BPIFC: variants seen among roughly 807,000 people sequenced by gnomAD.
The protein encoded by BPIFC is BPI fold-containing family C protein.
A neutral mutation model predicts 57.6 loss-of-function variants in BPIFC; 60 were observed. The ratio of observed to expected loss-of-function variants is 1.04; its 90% confidence interval spans 0.85 to 1.29. The LOEUF (loss-of-function observed/expected upper bound fraction) is 1.29, where lower values mean the gene tolerates loss of function less well. Among genes scored for constraint, BPIFC ranks in the 50% most tolerant of loss-of-function variants. The pLI, the probability that BPIFC is intolerant of heterozygous loss-of-function variation, is 0.00. For synonymous variants in BPIFC, 243 were observed against 224.5 expected (o/e 1.08, Z -0.74); for missense variants, 581 against 600.5 (o/e 0.97, Z 0.34).
At chr22:32,439,257 G>A (rs1034128201) in intron 8 of BPIFC, among the ~76,000 whole-genome samples, 7 of 152,018 alleles carry the variant, frequency 4.6e-5, no homozygotes, top group East Asian at 1.9e-4. Flanking sequence ...CCCAGGAGGC[G>A]CAGGTTGCGG....
intron 3 of BPIFC, among the ~76,000 whole-genome samples, chr22:32,455,465 G>C (rs1229379815): frequency 6.6e-6 from 1 of 152,152 alleles, no homozygotes; most frequent in African/African-American, 2.4e-5. Flanking sequence ...AATTTGTATT[G>C]AGTGCCTGTC....
chr22:32,456,841 C>T (rs934031732), intron 3 of BPIFC, among the ~76,000 whole-genome samples: 9 of 152,112 alleles, frequency 5.9e-5, no homozygotes, highest in African/African-American at 1.9e-4. Context: ...GGAGCCTCTC[C>T]TCAGAAAAAT....
At chr22:32,437,888 C>T (rs968704747) in intron 8 of BPIFC, 37 bp from the exon 9 acceptor site, 6 of 1,225,344 alleles carry the variant, frequency 4.9e-6, no homozygotes, top group Admixed American at 3.5e-5. Context: ...AATCCATATT[C>T]ATTAAAGGCA....
At chr22:32,440,283 C>T (rs908988508) in intron 8 of BPIFC, among the ~76,000 whole-genome samples, 11 of 151,238 alleles carry the variant, frequency 7.3e-5, no homozygotes, top group East Asian at 2.0e-4. Context: ...TAAAGGCGCA[C>T]GCCACCATGC....
rs368014677 is a variant in BPIFC, at chr22:32,432,556, C to A, written c.979-13G>T. On this transcript the variant is annotated splice_polypyrimidine_tract_variant and intron_variant, in intron 11 of 16. Coordinates refer to ENST00000300399, the MANE Select transcript of BPIFC (RefSeq NM_174932.3). ...AGATCTCTGCAATCTGCCCACATTCCGAGAAAGAAATAAAGATTGTGAGGC... is the reference window on the plus strand; with the variant it reads ...AGATCTCTGCAATCTGCCCACATTCAGAGAAAGAAATAAAGATTGTGAGGC... 6.2e-7 allele frequency: 1 copy of A among 1,609,336 alleles called. No homozygotes were observed. The highest frequency in any genetic ancestry group is 1.1e-5 in the South Asian group (1 of 90,764).
At chr22:32,424,698 CTTCT>C (rs1933986024) in intron 13 of BPIFC, among the ~76,000 whole-genome samples, 2 of 102,750 alleles carry the variant, frequency 1.9e-5, no homozygotes, top group African/African-American at 5.2e-5. Flanking sequence ...TCTTCCTCTT[CTTCT>C]TCCTCTTCTT....
intron 1 of BPIFC, among the ~76,000 whole-genome samples, chr22:32,463,728 T>C (rs973546860): frequency 6.6e-6 from 1 of 152,138 alleles, no homozygotes; most frequent in Non-Finnish European, 1.5e-5. Context: ...ACATAAGAAG[T>C]CTAAATCGAC....
chr22:32,458,553 T>C (rs1935094883), intron 2 of BPIFC, among the ~76,000 whole-genome samples: 1 of 152,182 alleles, frequency 6.6e-6, no homozygotes, highest in South Asian at 2.1e-4. Context: ...TTAGGCTTCA[T>C]GGGGAAGGAC....
At position 32,418,481 on chromosome 22, in the gene BPIFC, T is replaced by A. The variant is rs1933747720; in HGVS notation, c.1260+881A>T. On this transcript the variant is annotated intron_variant, in intron 14 of 16. Coordinates refer to ENST00000300399, the MANE Select transcript of BPIFC (RefSeq NM_174932.3). ...GCATCCCTGGCCTCTACCCACCAAGTGTCATTAGTATGTCTCCTTCCATCT... is the reference window on the plus strand; with the variant it reads ...GCATCCCTGGCCTCTACCCACCAAGAGTCATTAGTATGTCTCCTTCCATCT... Among the ~76,000 whole-genome samples the A allele has an allele frequency of 2.0e-5, 3 of 152,264 alleles. No homozygotes were observed. The South Asian group carries it at 6.2e-4, about 32-fold the overall frequency.
chr22:32,452,209 C>T (rs1352819207), intron 4 of BPIFC, among the ~76,000 whole-genome samples: 2 of 152,118 alleles, frequency 1.3e-5, no homozygotes, highest in Non-Finnish European at 2.9e-5. Context: ...GCCTAATATC[C>T]CCTGTTCCTA....
intron 1 of BPIFC, among the ~76,000 whole-genome samples, chr22:32,462,861 A>G (rs1202880710): frequency 6.6e-6 from 1 of 152,178 alleles, no homozygotes; most frequent in African/African-American, 2.4e-5. Context: ...TTTTTTTATT[A>G]CACTTTAAGT....
chr22:32,453,395 T>C lies in BPIFC; in HGVS notation c.233A>G (p.Tyr78Cys), dbSNP rs775105312. The change falls in exon 4 of 17, where the codon TAC (tyrosine) becomes TGC (cysteine). Residue 78 changes from tyrosine (Y) to cysteine (C), a missense_variant. Physicochemically the swap from Tyr to Cys is radical, Grantham distance 194. Transcript: ENST00000300399. ...LEFLKVDYVNYNFSNIKISAF... is the reference protein window; with the variant it reads ...LEFLKVDYVNCNFSNIKISAF... ...TCTTTTTACTTACTTTGAAAAATTGTAGTTTACATAATCAACTTTTAGAAA... is the reference window on the plus strand; with the variant it reads ...TCTTTTTACTTACTTTGAAAAATTGCAGTTTACATAATCAACTTTTAGAAA... 2.8e-5 allele frequency: 45 copies of C among 1,585,972 alleles called. No homozygotes were observed. In the East Asian group the frequency reaches 9.9e-4, roughly 35 times the overall value.
At chr22:32,433,619 G>A (rs1014520074) in intron 11 of BPIFC, 100 bp downstream of exon 11, 1 of 1,017,542 alleles carries the variant, frequency 9.8e-7, no homozygotes, top group African/African-American at 1.6e-5. Flanking sequence ...AATAGACAGA[G>A]GGACTTATCC....
chr22:32,431,311 C>T, intron 13 of BPIFC, 36 bp downstream of exon 13: 2 of 1,551,878 alleles, frequency 1.3e-6, no homozygotes, highest in Non-Finnish European at 1.8e-6. Context: ...TCACTTATTA[C>T]TAAGGTGCCC....
intron 1 of BPIFC, among the ~76,000 whole-genome samples, chr22:32,464,134 A>T (rs535883518): frequency 6.6e-6 from 1 of 152,142 alleles, no homozygotes; most frequent in Admixed American, 6.5e-5. Context: ...GTTTAAACCA[A>T]CTCTTTTCTC....
At chr22:32,417,867 T>A (rs1933728763) in intron 14 of BPIFC, among the ~76,000 whole-genome samples, 1 of 152,124 alleles carries the variant, frequency 6.6e-6, no homozygotes, top group Middle Eastern at 3.2e-3. Flanking sequence ...TCTTTTTTTT[T>A]TATTTAAAAA....
At chr22:32,417,326 C>T (rs1484193268) in intron 14 of BPIFC, among the ~76,000 whole-genome samples, 178 bp from the exon 15 acceptor site, 1 of 151,680 alleles carries the variant, frequency 6.6e-6, no homozygotes, top group Non-Finnish European at 1.5e-5. Context: ...CAAGTGTGCA[C>T]CACTACACCT....
intron 1 of BPIFC, among the ~76,000 whole-genome samples, chr22:32,464,150 T>C (rs759318368): frequency 6.6e-6 from 1 of 152,230 alleles, no homozygotes; most frequent in Non-Finnish European, 1.5e-5. Context: ...TTCTCTCTTA[T>C]GGCTGTTTAG....
intron 5 of BPIFC, among the ~76,000 whole-genome samples, chr22:32,446,264 G>A (rs753554981): frequency 1.3e-5 from 2 of 152,182 alleles, no homozygotes; most frequent in Admixed American, 6.5e-5. Flanking sequence ...GGCAGCGAGT[G>A]AGCTTGTATT....
Sources: gnomAD v4.1 joint callset for allele counts (sites outside exome capture counted in the v4.1 genomes callset) on GRCh38, gnomAD v4.1.1 for gene constraint, MANE v1.5 for transcripts, NCBI Gene and HGNC (gene_info 2026-07-23, HGNC 2026-07-21) for gene names.